Variants in ZNF385D observed in about 807,000 individuals in gnomAD.
The protein encoded by ZNF385D is zinc finger protein 659.
In ZNF385D, 15 loss-of-function variants were observed where a neutral mutation model predicts 35.8. The observed-to-expected ratio is 0.42, with a 90% CI of 0.28 to 0.64. The LOEUF (loss-of-function observed/expected upper bound fraction) is 0.64. Ranked by LOEUF, ZNF385D falls within the 30% of genes least tolerant of loss-of-function variation. ZNF385D has a pLI of 0.23. For synonymous variants in ZNF385D, 212 were observed against 186.8 expected (o/e 1.13, Z -1.10); for missense variants, 474 against 494.6 (o/e 0.96, Z 0.39).
At chr3:22,027,836 C>T (rs1029566322) in intron 3 of ZNF385D, among the ~76,000 whole-genome samples, 7 of 152,178 alleles carry the variant, frequency 4.6e-5, no homozygotes, top group Non-Finnish European at 8.8e-5. Flanking sequence ...ATGGGGGGTT[C>T]TCTATGATCA....
chr3:21,961,515 T>C (rs1364304503), intron 3 of ZNF385D: 1 of 152,172 alleles, frequency 6.6e-6, no homozygotes, highest in Non-Finnish European at 1.5e-5. Context: ...ATTGTAATCA[T>C]GCAGGAAAAA....
chr3:21,642,959 G>A (rs916632673), intron 2 of ZNF385D, among the ~76,000 whole-genome samples: 2 of 152,060 alleles, frequency 1.3e-5, no homozygotes, highest in East Asian at 3.9e-4. Flanking sequence ...AATGATGAAT[G>A]CAGAATTTCA....
intron 1 of ZNF385D, among the ~76,000 whole-genome samples, chr3:21,714,447 CAT>C (rs1325504905): frequency 6.6e-6 from 1 of 152,152 alleles, no homozygotes; most frequent in African/African-American, 2.4e-5. Flanking sequence ...AGATAAGTAT[CAT>C]AAATTCCCAT....
chr3:22,011,027 C>G (rs950164135), intron 3 of ZNF385D, among the ~76,000 whole-genome samples: 1 of 151,906 alleles, frequency 6.6e-6, no homozygotes, highest in Non-Finnish European at 1.5e-5. Flanking sequence ...GTTTTATTGC[C>G]AATATAACTC....
chr3:22,095,088 CT>C (rs10663641), intron 3 of ZNF385D, among the ~76,000 whole-genome samples: 57 of 121,946 alleles, frequency 4.7e-4, no homozygotes, highest in East Asian at 3.3e-3. Flanking sequence ...TTCATTCTTT[CT>C]TTTTTTTTTT....
intron 2 of ZNF385D, among the ~76,000 whole-genome samples, chr3:22,265,011 G>A (rs1302308332): frequency 2.0e-5 from 3 of 151,790 alleles, no homozygotes; most frequent in Non-Finnish European, 2.9e-5. Flanking sequence ...CTCAGATAAC[G>A]GACTTTTTTT....
intron 2 of ZNF385D, among the ~76,000 whole-genome samples, chr3:21,629,429 A>G (rs1369897493): frequency 6.6e-6 from 1 of 152,310 alleles, no homozygotes; most frequent in Non-Finnish European, 1.5e-5. Flanking sequence ...TCCTTAAAGC[A>G]TAAGAAAAAA....
At chr3:21,864,271 T>G (rs1377841305) in intron 3 of ZNF385D, among the ~76,000 whole-genome samples, 1 of 152,160 alleles carries the variant, frequency 6.6e-6, no homozygotes, top group East Asian at 1.9e-4. Context: ...TGAAGTCTGA[T>G]AGCTTAACCA....
intron 3 of ZNF385D, among the ~76,000 whole-genome samples, chr3:22,082,885 C>G (rs1357616880): frequency 6.6e-6 from 1 of 152,208 alleles, no homozygotes; most frequent in Non-Finnish European, 1.5e-5. Flanking sequence ...ATTTGCTGTT[C>G]TACAATATTT....
chr3:21,901,200 CG>C (rs918485639), intron 3 of ZNF385D, among the ~76,000 whole-genome samples: 55 of 152,244 alleles, frequency 3.6e-4, no homozygotes, highest in African/African-American at 1.3e-3. Flanking sequence ...GGTCATAGAA[CG>C]GTTAAATCCT....
intron 3 of ZNF385D, among the ~76,000 whole-genome samples, chr3:21,780,148 T>G (rs557917455): frequency 1.3e-5 from 2 of 152,056 alleles, no homozygotes; most frequent in South Asian, 2.1e-4. Context: ...ACAATAATAG[T>G]AGGAATATCA....
intron 3 of ZNF385D, among the ~76,000 whole-genome samples, chr3:21,561,647 T>TTGTG (rs945355788): frequency 6.6e-6 from 1 of 152,144 alleles, no homozygotes; most frequent in African/African-American, 2.4e-5. Context: ...AATTTCAGTG[T>TTGTG]TGTGTCTCAG....
chr3:21,713,602 G>A (rs1559544048), intron 1 of ZNF385D, among the ~76,000 whole-genome samples: 1 of 152,046 alleles, frequency 6.6e-6, no homozygotes, highest in Non-Finnish European at 1.5e-5. Flanking sequence ...TCTTCTTGAT[G>A]GTTATAGCAC....
intron 1 of ZNF385D, among the ~76,000 whole-genome samples, chr3:21,722,174 A>C (rs1414115677): frequency 6.6e-6 from 1 of 151,984 alleles, no homozygotes; most frequent in African/African-American, 2.4e-5. Flanking sequence ...CAAAGGGGAC[A>C]AGTAAAGTAA....
intron 4 of ZNF385D, among the ~76,000 whole-genome samples, chr3:21,501,066 C>T (rs1706323101): frequency 1.3e-5 from 2 of 152,202 alleles, no homozygotes; most frequent in South Asian, 4.1e-4. Context: ...CAGCTTTTTT[C>T]GCAGGCTACA....
chr3:21,846,599 G>GA (rs1696019833), intron 3 of ZNF385D, among the ~76,000 whole-genome samples: 1 of 151,970 alleles, frequency 6.6e-6, no homozygotes, highest in Non-Finnish European at 1.5e-5. Flanking sequence ...ACATGTTGCT[G>GA]AAAAGAAGGA....
chr3:22,223,925 G>A (rs1698405907), intron 2 of ZNF385D, among the ~76,000 whole-genome samples: 1 of 152,118 alleles, frequency 6.6e-6, no homozygotes, highest in Non-Finnish European at 1.5e-5. Context: ...TGTAAAGTCA[G>A]GGACTTTGCC....
intron 3 of ZNF385D, among the ~76,000 whole-genome samples, chr3:21,788,405 G>T (rs183613593): frequency 1.9e-3 from 287 of 152,252 alleles, no homozygotes; most frequent in African/African-American, 6.6e-3. Context: ...TTAAACCTGG[G>T]AGGCAGAGGT....
chr3:21,982,716 G>A lies in ZNF385D; in HGVS notation c.325+186101C>T, dbSNP rs115172697. ...GCCTATTCAGTATAACATTGACTGT[G>A]GATTTGTCATAGATGGCTCTTATTA... On this transcript the variant is annotated intron_variant, in intron 3 of 5. Transcript: ENST00000494108. Among the ~76,000 whole-genome samples the A allele has an allele frequency of 8.0e-3, 1,214 of 152,114 alleles. 18 individuals are homozygous for A. Among genetic ancestry groups the A allele is most frequent in the African/African-American group, 0.028 (1,162 of 41,492 alleles).
Sources: gnomAD v4.1 joint callset for allele counts (sites outside exome capture counted in the v4.1 genomes callset) on GRCh38, gnomAD v4.1.1 for gene constraint, MANE v1.5 for transcripts, NCBI Gene and HGNC (gene_info 2026-07-23, HGNC 2026-07-21) for gene names.